Variants in ABL2 observed in about 807,000 individuals in gnomAD.
ABL2 encodes ABL proto-oncogene 2, non-receptor tyrosine kinase.
Under a neutral mutation model 107.7 loss-of-function variants are expected in ABL2, and 49 were observed. The ratio of observed to expected loss-of-function variants is 0.45; its 90% CI spans 0.36 to 0.58. The LOEUF (loss-of-function observed/expected upper bound fraction) is 0.58, where lower values mean the gene tolerates loss of function less well. ABL2 is among the 20% of genes least tolerant of loss of function. ABL2 has a pLI of 0.00. For missense variants in ABL2, 1,245 were observed against 1,457.0 expected (o/e 0.85, Z 2.37); for synonymous variants, 549 against 548.6 (o/e 1.00, Z -0.01).
chr1:179,184,578 G>A, intron 1 of ABL2: 1 of 557,302 alleles, frequency 1.8e-6, no homozygotes, highest in South Asian at 2.0e-5. Context: ...AAGATGAGGA[G>A]GAGGAGGAGG....
At chr1:179,136,372 T>C (rs1656979447) in intron 1 of ABL2, among the ~76,000 whole-genome samples, 1 of 152,050 alleles carries the variant, frequency 6.6e-6, no homozygotes, top group East Asian at 1.9e-4. Context: ...CTAAGAAAAA[T>C]TCTTCTGCCT....
chr1:179,229,376 C>G lies in ABL2; in HGVS notation c.22G>C (p.Val8Leu). MGQQVGR[V>L]GEAPGLQQPQ... The stretch of plus-strand genomic sequence containing the variant: ...TGCTGGAGCCCCGGAGCTTCCCCGA[C>G]GCGGCCCACCTGCTGCCCCATCCCT... The change falls in exon 1 of 12, where the codon GTC becomes CTC. Residue 8 changes from valine (V) to leucine (L), a missense_variant. Val to Leu is a conservative substitution (Grantham distance 32, BLOSUM62 1). Transcript: ENST00000502732. 6.4e-7 allele frequency: 1 copy of G among 1,562,322 alleles called. No individual in the cohort carries two copies. The highest frequency in any genetic ancestry group is 8.6e-7 in the Non-Finnish European group (1 of 1,160,300).
chr1:179,127,466 G>A (rs1274214856), intron 3 of ABL2, among the ~76,000 whole-genome samples: 1 of 152,106 alleles, frequency 6.6e-6, no homozygotes, highest in Admixed American at 6.5e-5. Context: ...TATCTTTGCT[G>A]TCAACTTCAA....
At chr1:179,216,245 A>T (rs1250411060) in intron 1 of ABL2, among the ~76,000 whole-genome samples, 1 of 152,252 alleles carries the variant, frequency 6.6e-6, no homozygotes, top group Non-Finnish European at 1.5e-5. Flanking sequence ...TAAGCAACTA[A>T]GTTTAAACGT....
At position 179,108,283 on chromosome 1, in the gene ABL2, T is replaced by C. The variant is rs932520617; in HGVS notation, c.2984A>G (p.His995Arg). The C allele has an allele frequency of 1.2e-6, 2 of 1,613,908 alleles. No individual in the cohort carries two copies. The highest frequency in any genetic ancestry group is 3.3e-5 in the Admixed American group (2 of 59,958). ...PPPPVMRLLQ[H>R]PSICSDPTEE... Reference sequence around the variant, plus strand: ...TGTAGGGTCTGAGCAGATGGACGGATGCTGCAGTAGTCTCATCACTGGTGG... The same window carrying C: ...TGTAGGGTCTGAGCAGATGGACGGACGCTGCAGTAGTCTCATCACTGGTGG... The change falls in exon 12 of 12, where the codon CAT becomes CGT. Residue 995 changes from histidine (H) to arginine (R), a missense_variant. His to Arg is a conservative substitution (Grantham distance 29, BLOSUM62 0). Transcript: ENST00000502732.
intron 1 of ABL2, among the ~76,000 whole-genome samples, chr1:179,209,927 T>C (rs1169894874): frequency 6.6e-6 from 1 of 152,156 alleles, no homozygotes; most frequent in Non-Finnish European, 1.5e-5. Flanking sequence ...CAGACTGGAG[T>C]GCAGTGGCAC....
chr1:179,229,210 C>CCCCCCCCCA, intron 1 of ABL2, 31 bp downstream of exon 1: 1 of 1,489,008 alleles, frequency 6.7e-7, no homozygotes, highest in African/African-American at 1.5e-5. Context: ...GCCTCCCCCA[C>CCCCCCCCCA]GCTCTCATGC....
chr1:179,108,103 G>A lies in ABL2; in HGVS notation c.3164C>T (p.Pro1055Leu). The part of the protein sequence containing the change: ...QVPLPTSSIS[P>L]AKMANGTAGT... Reference sequence around the variant, plus strand: ...TGCTGTGCCATTGGCCATTTTGGCTGGCGAGATGGAAGATGTGGGCAGAGG... The same window carrying A: ...TGCTGTGCCATTGGCCATTTTGGCTAGCGAGATGGAAGATGTGGGCAGAGG... The change falls in exon 12 of 12, where the codon CCA (proline) becomes CTA (leucine). Residue 1055 changes from proline (P) to leucine (L), a missense_variant. Coordinates refer to ENST00000502732, the MANE Select transcript of ABL2 (RefSeq NM_007314.4). The A allele has an allele frequency of 6.2e-7, 1 of 1,614,208 alleles. No individual in the cohort carries two copies. Among genetic ancestry groups the A allele is most frequent in the Non-Finnish European group, 8.5e-7 (1 of 1,180,034 alleles).
At chr1:179,183,616 G>C (rs28914479) in intron 1 of ABL2, 14 of 152,096 alleles carry the variant, frequency 9.2e-5, no homozygotes, top group Admixed American at 8.5e-4. Flanking sequence ...TAATACAAAC[G>C]TAAGTTAAAA....
At chr1:179,174,560 A>G (rs1225042032) in intron 1 of ABL2, among the ~76,000 whole-genome samples, 1 of 152,082 alleles carries the variant, frequency 6.6e-6, no homozygotes, top group Non-Finnish European at 1.5e-5. Flanking sequence ...ATACATATAT[A>G]TGTATGTATG....
intron 7 of ABL2, 135 bp downstream of exon 7, chr1:179,118,452 A>G: frequency 1.2e-6 from 1 of 802,146 alleles, no homozygotes; most frequent in Non-Finnish European, 2.0e-6. Flanking sequence ...AAGTGACATT[A>G]TAATGGGCCC....
chr1:179,170,760 A>G (rs1659673152), intron 1 of ABL2, among the ~76,000 whole-genome samples: 1 of 152,090 alleles, frequency 6.6e-6, no homozygotes, highest in Non-Finnish European at 1.5e-5. Flanking sequence ...ATGCCTGGCT[A>G]ATTTTTGTAT....
At chr1:179,172,280 A>T (rs1659766232) in intron 1 of ABL2, among the ~76,000 whole-genome samples, 1 of 152,168 alleles carries the variant, frequency 6.6e-6, no homozygotes, top group South Asian at 2.1e-4. Context: ...CTCTTGCTGA[A>T]TTTGTCCTAC....
chr1:179,208,454 C>A (rs1322182044), intron 1 of ABL2, among the ~76,000 whole-genome samples: 1 of 152,206 alleles, frequency 6.6e-6, no homozygotes, highest in African/African-American at 2.4e-5. Context: ...CCTTCAGCTG[C>A]ATCCATGTTG....
intron 1 of ABL2, chr1:179,183,922 T>A (rs1405801437): frequency 3.9e-6 from 1 of 259,412 alleles, no homozygotes; most frequent in Non-Finnish European, 7.4e-6. Flanking sequence ...GGAAGAGACA[T>A]CATCAGCCTC....
intron 9 of ABL2, among the ~76,000 whole-genome samples, chr1:179,113,000 C>T (rs552996811): frequency 5.3e-5 from 8 of 152,252 alleles, no homozygotes; most frequent in African/African-American, 1.4e-4. Context: ...GTGATCCACC[C>T]GCCTCAGCCT....
intron 1 of ABL2, chr1:179,184,372 T>A: frequency 1.3e-6 from 1 of 750,466 alleles, no homozygotes; most frequent in Non-Finnish European, 2.2e-6. Context: ...AAGGATGCGA[T>A]GAAACATTCA....
At chr1:179,162,986 A>G (rs1306664296) in intron 1 of ABL2, among the ~76,000 whole-genome samples, 1 of 152,224 alleles carries the variant, frequency 6.6e-6, no homozygotes, top group Non-Finnish European at 1.5e-5. Context: ...GAAAATAAGA[A>G]AAGCAATGGG....
chr1:179,129,009 T>G (rs1170963950), intron 3 of ABL2, among the ~76,000 whole-genome samples: 2 of 152,122 alleles, frequency 1.3e-5, no homozygotes. Flanking sequence ...AAAAAAAAAT[T>G]CAAGCAAAAT....
Sources: allele counts gnomAD v4.1 joint callset (sites outside exome capture counted in the v4.1 genomes callset), GRCh38; gene constraint gnomAD v4.1.1; transcripts MANE v1.5; gene names NCBI Gene and HGNC (gene_info 2026-07-23, HGNC 2026-07-21).